The following GRIK1 variants were observed in gnomAD, a reference collection of about 807,000 sequenced individuals.
GRIK1 encodes the protein glutamate ionotropic receptor kainate type subunit 1.
A neutral mutation model predicts 105.7 loss-of-function variants in GRIK1; 69 were observed. The ratio of observed to expected loss-of-function variants is 0.65; its 90% CI spans 0.54 to 0.80. The LOEUF (loss-of-function observed/expected upper bound fraction) is 0.80, where lower values mean the gene tolerates loss of function less well. GRIK1 is among the 30% of genes least tolerant of loss of function. The pLI is 0.00. For synonymous variants in GRIK1, 438 were observed against 431.3 expected (o/e 1.02, Z -0.19); for missense variants, 1,109 against 1,167.3 (o/e 0.95, Z 0.73).
chr21:29,585,053 C>T (rs2091100961), intron 12 of GRIK1, among the ~76,000 whole-genome samples: 1 of 152,064 alleles, frequency 6.6e-6, no homozygotes, highest in South Asian at 2.1e-4. Context: ...ATACTGTTTC[C>T]AAGTTTGCAC....
intron 7 of GRIK1, among the ~76,000 whole-genome samples, chr21:29,604,165 A>G (rs2061570461): frequency 6.6e-6 from 1 of 152,046 alleles, no homozygotes; most frequent in African/African-American, 2.4e-5. Flanking sequence ...TTTATTCTTG[A>G]ACTTAGTGTT....
At chr21:29,902,568 T>C (rs1476299522) in intron 1 of GRIK1, among the ~76,000 whole-genome samples, 1 of 152,082 alleles carries the variant, frequency 6.6e-6, no homozygotes, top group Non-Finnish European at 1.5e-5. Context: ...ATCAAATACC[T>C]AGGAATACAA....
chr21:29,846,736 C>A (rs1369170235), intron 1 of GRIK1, among the ~76,000 whole-genome samples: 1 of 152,022 alleles, frequency 6.6e-6, no homozygotes, highest in Admixed American at 6.5e-5. Context: ...TTTTTGTTAT[C>A]CTGTTTGATT....
intron 1 of GRIK1, among the ~76,000 whole-genome samples, chr21:29,820,239 C>G (rs572130852): frequency 5.3e-5 from 8 of 152,030 alleles, no homozygotes; most frequent in Non-Finnish European, 1.0e-4. Flanking sequence ...TCTTCCTGCT[C>G]TCACTTCCAA....
intron 1 of GRIK1, among the ~76,000 whole-genome samples, chr21:29,877,281 A>G (rs1474675665): frequency 6.6e-6 from 1 of 152,120 alleles, no homozygotes; most frequent in African/African-American, 2.4e-5. Flanking sequence ...TTTGTGAAGG[A>G]CTTTTAATCC....
At chr21:29,626,166 T>C (rs1056919065) in intron 7 of GRIK1, among the ~76,000 whole-genome samples, 11 of 152,162 alleles carry the variant, frequency 7.2e-5, no homozygotes, top group Admixed American at 6.5e-5. Flanking sequence ...TGCCAGCATC[T>C]GGTGAGGGCC....
chr21:29,775,962 G>C (rs1159635181), intron 1 of GRIK1, among the ~76,000 whole-genome samples: 2 of 152,212 alleles, frequency 1.3e-5, no homozygotes, highest in African/African-American at 2.4e-5. Context: ...TCAAGGTTCA[G>C]CATGGCTGGA....
chr21:29,896,950 C>G (rs1013344796), intron 1 of GRIK1, among the ~76,000 whole-genome samples: 9 of 152,178 alleles, frequency 5.9e-5, no homozygotes, highest in African/African-American at 2.2e-4. Flanking sequence ...CTTGCAGCCT[C>G]TGAGTCTGTG....
At chr21:29,850,547 G>T (rs1241519728) in intron 1 of GRIK1, among the ~76,000 whole-genome samples, 2 of 152,056 alleles carry the variant, frequency 1.3e-5, no homozygotes, top group Non-Finnish European at 2.9e-5. Flanking sequence ...AACAAAAAAC[G>T]AATCCCAGGA....
At chr21:29,859,561 C>T (rs7282556) in intron 1 of GRIK1, among the ~76,000 whole-genome samples, 1,546 of 152,254 alleles carry the variant, frequency 0.01, 11 homozygotes, top group Non-Finnish European at 0.013. Context: ...GGGGCACTCC[C>T]GTCTCCTCAC....
intron 1 of GRIK1, among the ~76,000 whole-genome samples, chr21:29,735,447 T>C (rs779485321): frequency 1.3e-5 from 2 of 152,196 alleles, no homozygotes; most frequent in Non-Finnish European, 2.9e-5. Context: ...TTGACAGATA[T>C]AATTTTATGT....
chr21:29,853,871 A>G (rs543830275), intron 1 of GRIK1, among the ~76,000 whole-genome samples: 4 of 152,318 alleles, frequency 2.6e-5, no homozygotes, highest in African/African-American at 7.2e-5. Flanking sequence ...AGATAAGTTT[A>G]AGGCAAAAAT....
intron 1 of GRIK1, among the ~76,000 whole-genome samples, chr21:29,743,936 G>A (rs1459544150): frequency 6.6e-6 from 1 of 152,126 alleles, no homozygotes; most frequent in East Asian, 1.9e-4. Flanking sequence ...ACTGGACAGA[G>A]GGTGGTAGAA....
chr21:29,645,171 T>G (rs73350488), intron 6 of GRIK1, among the ~76,000 whole-genome samples: 16,173 of 152,220 alleles, frequency 0.11, 922 homozygotes, highest in African/African-American at 0.15. Context: ...AAATTAAACT[T>G]TTGAAATAGG....
intron 3 of GRIK1, among the ~76,000 whole-genome samples, chr21:29,680,485 C>T (rs2063350577): frequency 6.6e-6 from 1 of 152,154 alleles, no homozygotes; most frequent in African/African-American, 2.4e-5. Context: ...ACCTTTGCCT[C>T]TGTAGAGTGT....
At chr21:29,854,327 A>G (rs2146060803) in intron 1 of GRIK1, among the ~76,000 whole-genome samples, 1 of 136,784 alleles carries the variant, frequency 7.3e-6, no homozygotes, top group Non-Finnish European at 1.6e-5. Context: ...ATTTGTTCCC[A>G]TGACCCAAAC....
intron 1 of GRIK1, among the ~76,000 whole-genome samples, chr21:29,779,855 G>A (rs1046686171): frequency 2.6e-5 from 4 of 152,184 alleles, no homozygotes; most frequent in East Asian, 1.9e-4. Flanking sequence ...AATGTAGATA[G>A]TGAGATTGGT....
At chr21:29,599,089 T>G in intron 7 of GRIK1, 152 bp from the exon 8 acceptor site, 1 of 525,752 alleles carries the variant, frequency 1.9e-6, no homozygotes, top group Non-Finnish European at 3.3e-6. Context: ...AGCGACAAGA[T>G]AGCAGAACAC....
intron 1 of GRIK1, among the ~76,000 whole-genome samples, chr21:29,918,619 T>C (rs974981226): frequency 2.6e-5 from 4 of 152,084 alleles, no homozygotes; most frequent in Admixed American, 6.6e-5. Flanking sequence ...ATGTGAAATG[T>C]GTGTGTGTCA....
Sources: allele counts gnomAD v4.1 joint callset (sites outside exome capture counted in the v4.1 genomes callset), GRCh38; gene constraint gnomAD v4.1.1; transcripts MANE v1.5; gene names NCBI Gene and HGNC (gene_info 2026-07-23, HGNC 2026-07-21).